PIP5K1B: variants seen among roughly 807,000 people sequenced by gnomAD.
The protein encoded by PIP5K1B is phosphatidylinositol 4-phosphate 5-kinase type-1 beta.
A neutral mutation model predicts 67.0 loss-of-function variants in PIP5K1B; 42 were observed. That is an observed-to-expected ratio of 0.63 (90% CI 0.49 to 0.81). The LOEUF (loss-of-function observed/expected upper bound fraction) is 0.81. Ranked by LOEUF, PIP5K1B falls within the 30% of genes least tolerant of loss-of-function variation. The pLI, the probability that PIP5K1B is intolerant of heterozygous loss-of-function variation, is 0.00. For synonymous variants in PIP5K1B, 214 were observed against 231.4 expected, an observed-to-expected ratio of 0.92 and a Z score of 0.68; for missense variants, 459 against 646.3, an observed-to-expected ratio of 0.71 and a Z score of 3.14.
chr9:68,954,606 A>G (rs1828287849), intron 14 of PIP5K1B, among the ~76,000 whole-genome samples: 1 of 152,224 alleles, frequency 6.6e-6, no homozygotes, highest in Non-Finnish European at 1.5e-5. Flanking sequence ...AGTTCTTTGT[A>G]TCTTAGCTTT....
chr9:68,910,464 A>G (rs889631318), intron 8 of PIP5K1B, among the ~76,000 whole-genome samples: 2 of 152,240 alleles, frequency 1.3e-5, no homozygotes, highest in African/African-American at 4.8e-5. Flanking sequence ...TTTAAGATAC[A>G]GGGTGTAGTG....
chr9:68,889,068 A>G lies in PIP5K1B; in HGVS notation c.406A>G (p.Ile136Val). Residue 136 changes from isoleucine to valine, a missense_variant, in exon 7 of 16, where the codon ATC becomes GTC. This residue lies in a region of PIP5K1B where 290 missense variants were observed against 474.4 expected (regional missense o/e 0.61). Transcript: ENST00000265382. ...LFFVTSDDEF[I>V]IKTVQHKEAE... ...TTTTGTGACCAGTGATGATGAATTT[A>G]TCATCAAAACAGTTCAGCACAAAGA... The G allele has an allele frequency of 6.2e-7, 1 of 1,612,980 alleles. No individual in the cohort carries two copies.
chr9:68,923,152 C>T lies in PIP5K1B; in HGVS notation c.1117-150C>T, dbSNP rs73647031. ...CCCTCAGCCCCAGACTCCTGGGCCC[C>T]ACGGGCTACAGGACATTCCTGTTTT... On this transcript the variant is annotated intron_variant, in intron 11 of 15. Transcript: ENST00000265382. 2.2e-3 allele frequency: 1,325 copies of T among 608,420 alleles called. 24 individuals are homozygous for T. The African/African-American group carries it at 0.022, about 10-fold the overall frequency. 37.7% of individuals were successfully genotyped at this position (608,420 alleles called of 1,614,324 possible). A position where few individuals can be genotyped will look rare whatever the true frequency, so the allele number is the denominator to read the frequency against.
intron 14 of PIP5K1B, among the ~76,000 whole-genome samples, chr9:68,978,612 A>G (rs1829742940): frequency 6.6e-6 from 1 of 152,234 alleles, no homozygotes; most frequent in African/African-American, 2.4e-5. Flanking sequence ...TAAGCCCAGC[A>G]CTTGGAATGA....
At chr9:68,870,797 C>G (rs756082691) in intron 5 of PIP5K1B, among the ~76,000 whole-genome samples, 6 of 152,184 alleles carry the variant, frequency 3.9e-5, no homozygotes, top group Non-Finnish European at 7.3e-5. Flanking sequence ...GGGCATTTAG[C>G]ATCCTTTAGC....
At position 68,708,548 on chromosome 9, in the gene PIP5K1B, C is replaced by CT. The variant is rs56362619; in HGVS notation, c.-243+2786_-243+2787insT. On this transcript the variant is annotated intron_variant, in intron 1 of 15. Transcript: ENST00000265382. ...TATGCTCTTTTGTTTGCCGCCCCCC[C>CT]GCCCCTTTAGTTGTTAGTATTACAG... Among the ~76,000 whole-genome samples the CT allele has an allele frequency of 2.6e-3, 391 of 148,354 alleles. 1 individual carries two copies. Among genetic ancestry groups the CT allele is most frequent in the African/African-American group, 8.1e-3 (326 of 40,242 alleles).
intron 6 of PIP5K1B, among the ~76,000 whole-genome samples, chr9:68,888,551 G>A (rs572095900): frequency 1.3e-5 from 2 of 152,358 alleles, no homozygotes; most frequent in South Asian, 2.1e-4. Context: ...TTGAAACCAT[G>A]AGTAGATGAC....
At chr9:68,781,710 C>A (rs1477109920) in intron 2 of PIP5K1B, 2 of 165,666 alleles carry the variant, frequency 1.2e-5, no homozygotes, top group African/African-American at 4.9e-5. Context: ...GTCAGTCATA[C>A]AACTATAACT....
At chr9:68,766,270 T>A (rs942745670) in intron 2 of PIP5K1B, among the ~76,000 whole-genome samples, 6 of 152,282 alleles carry the variant, frequency 3.9e-5, no homozygotes. Context: ...CTGCTTTTTT[T>A]ATATATGAAA....
chr9:68,728,906 A>G (rs1002119610), intron 1 of PIP5K1B: 1 of 152,212 alleles, frequency 6.6e-6, no homozygotes, highest in Non-Finnish European at 1.5e-5. Flanking sequence ...AGATGTGACT[A>G]ATGAGCTGCT....
chr9:68,880,906 C>T (rs1339097452), intron 6 of PIP5K1B, among the ~76,000 whole-genome samples: 1 of 152,190 alleles, frequency 6.6e-6, no homozygotes, highest in African/African-American at 2.4e-5. Flanking sequence ...AAGCTCACCT[C>T]CAAACCGCTC....
At chr9:68,762,648 C>T (rs1216754449) in intron 2 of PIP5K1B, among the ~76,000 whole-genome samples, 1 of 152,102 alleles carries the variant, frequency 6.6e-6, no homozygotes, top group African/African-American at 2.4e-5. Context: ...AGAACTAACA[C>T]TTATCTTTAG....
rs377131553 is a variant in PIP5K1B at position 68,840,331 on chromosome 9, C to T, written c.69+17648C>T. Among the ~76,000 whole-genome samples, 16 of 151,302 alleles carry T rather than the reference C, an allele frequency of 1.1e-4. 1 individual carries two copies. Among genetic ancestry groups the T allele is most frequent in the Admixed American group, 6.6e-4 (10 of 15,206 alleles). ...GGCGGAGGTTGTAGTGAACTGAGAT[C>T]GCGCCATTGCACTCCAGCCTGGGCA... is the stretch of plus-strand genomic sequence containing the variant. On this transcript the variant is annotated intron_variant, in intron 4 of 15. Coordinates refer to ENST00000265382, the MANE Select transcript of PIP5K1B (RefSeq NM_003558.4).
chr9:68,844,746 G>C (rs1234498310), intron 4 of PIP5K1B, among the ~76,000 whole-genome samples: 1 of 152,174 alleles, frequency 6.6e-6, no homozygotes, highest in East Asian at 1.9e-4. Flanking sequence ...ACAGAAATAA[G>C]CAGCAGCCCA....
intron 12 of PIP5K1B, among the ~76,000 whole-genome samples, chr9:68,927,329 A>G (rs957949132): frequency 6.6e-6 from 1 of 152,192 alleles, no homozygotes; most frequent in South Asian, 2.1e-4. Flanking sequence ...CTCTGATAAC[A>G]TTTTGAGGAA....
At chr9:68,765,787 C>G (rs1209765196) in intron 2 of PIP5K1B, among the ~76,000 whole-genome samples, 1 of 152,020 alleles carries the variant, frequency 6.6e-6, no homozygotes, top group African/African-American at 2.4e-5. Flanking sequence ...ATGATCATAC[C>G]AAGGTTGAAG....
chr9:68,976,805 C>T (rs971907306), intron 14 of PIP5K1B, among the ~76,000 whole-genome samples: 14 of 152,314 alleles, frequency 9.2e-5, no homozygotes, highest in African/African-American at 3.4e-4. Context: ...CTGCCTAAGG[C>T]AGAGCTTAGG....
intron 14 of PIP5K1B, among the ~76,000 whole-genome samples, chr9:68,941,421 G>A (rs1827556021): frequency 6.6e-6 from 1 of 152,150 alleles, no homozygotes; most frequent in Admixed American, 6.5e-5. Context: ...GCAGAAGGCA[G>A]GATACTCCAT....
intron 14 of PIP5K1B, among the ~76,000 whole-genome samples, chr9:68,987,511 A>G (rs1212309716): frequency 6.6e-6 from 1 of 152,078 alleles, no homozygotes; most frequent in Non-Finnish European, 1.5e-5. Flanking sequence ...GCAGTGAGCC[A>G]AGATCATGCC....
Sources: gnomAD v4.1 joint callset for allele counts (sites outside exome capture counted in the v4.1 genomes callset) on GRCh38, gnomAD v4.1.1 for gene constraint, gnomAD v4.1.1 regional missense constraint, MANE v1.5 for transcripts, NCBI Gene and HGNC (gene_info 2026-07-23, HGNC 2026-07-21) for gene names.